VPS13B: variants seen among roughly 807,000 people sequenced by gnomAD.
VPS13B encodes vacuolar protein sorting 13 homolog B, also known as intermembrane lipid transfer protein VPS13B.
A neutral mutation model predicts 426.4 loss-of-function variants in VPS13B; 285 were observed. That is an observed-to-expected ratio of 0.67 (90% CI 0.61 to 0.74). VPS13B has a LOEUF of 0.74. Ranked by LOEUF, VPS13B falls within the 30% of genes least tolerant of loss-of-function variation. The pLI is 0.00. For synonymous variants in VPS13B, 1,676 were observed against 1,676.4 expected (o/e 1.00, Z 0.01); for missense variants, 4,537 against 4,782.6 (o/e 0.95, Z 1.51).
chr8:99,074,802 A>C (rs1845032843), intron 3 of VPS13B, among the ~76,000 whole-genome samples: 1 of 151,584 alleles, frequency 6.6e-6, no homozygotes, highest in Admixed American at 6.6e-5. Flanking sequence ...CACCTGGCTA[A>C]TTTTTGTATT....
At chr8:99,489,449 G>C (rs2133575736) in intron 25 of VPS13B, among the ~76,000 whole-genome samples, 2 of 152,032 alleles carry the variant, frequency 1.3e-5, no homozygotes, top group South Asian at 4.2e-4. Context: ...GAAAGTCATT[G>C]GTAGCTTGAT....
chr8:99,431,972 T>C (rs566606683), intron 22 of VPS13B, among the ~76,000 whole-genome samples: 1 of 152,188 alleles, frequency 6.6e-6, no homozygotes, highest in Admixed American at 6.5e-5. Flanking sequence ...AGTGTTCATA[T>C]AGTTCCATTC....
intron 17 of VPS13B, among the ~76,000 whole-genome samples, chr8:99,272,835 C>G (rs1237677896): frequency 6.6e-6 from 1 of 152,112 alleles, no homozygotes; most frequent in Non-Finnish European, 1.5e-5. Context: ...TATTTTAACA[C>G]AGGAATTATT....
At chr8:99,016,173 T>C (rs973541065) in intron 2 of VPS13B, among the ~76,000 whole-genome samples, 8 of 152,218 alleles carry the variant, frequency 5.3e-5, no homozygotes, top group African/African-American at 1.9e-4. Context: ...TTTTGGCTGG[T>C]GAAGAAAGCT....
chr8:99,438,101 G>T (rs1378683113), intron 22 of VPS13B, among the ~76,000 whole-genome samples: 1 of 131,164 alleles, frequency 7.6e-6, no homozygotes, highest in African/African-American at 2.9e-5. Context: ...TGAGTTTAAT[G>T]GCATTTTTAA....
chr8:99,568,987 G>T (rs888326530), intron 31 of VPS13B, among the ~76,000 whole-genome samples: 1 of 151,110 alleles, frequency 6.6e-6, no homozygotes, highest in Non-Finnish European at 1.5e-5. Context: ...AATTTTTTTT[G>T]TTGTTGTTGT....
intron 16 of VPS13B, among the ~76,000 whole-genome samples, chr8:99,191,553 T>C (rs553983431): frequency 1.3e-5 from 2 of 151,916 alleles, no homozygotes; most frequent in South Asian, 4.2e-4. Context: ...CCAGCTAATT[T>C]TTGTATTTTT....
At chr8:99,104,616 CT>C (rs1846945733) in intron 5 of VPS13B, among the ~76,000 whole-genome samples, 1 of 151,080 alleles carries the variant, frequency 6.6e-6, no homozygotes, top group Non-Finnish European at 1.5e-5. Flanking sequence ...TCCCCTGCCC[CT>C]TTCCCTCTTC....
At chr8:99,493,583 G>A (rs116109838) in intron 25 of VPS13B, among the ~76,000 whole-genome samples, 3,076 of 152,002 alleles carry the variant, frequency 0.02, 113 homozygotes, top group African/African-American at 0.07. Flanking sequence ...TCAGGAGTTC[G>A]AGATCATCCT....
chr8:99,682,585 G>A lies in VPS13B; in HGVS notation c.6047-16940G>A, dbSNP rs571651203. 3.3e-5 allele frequency among the ~76,000 whole-genome samples: 5 copies of A among 152,006 alleles called. No homozygotes were observed. The East Asian group carries it at 7.7e-4, about 24-fold the overall frequency. On this transcript the variant is annotated intron_variant, in intron 35 of 61. Transcript: ENST00000357162. ...TAAATTTTTAAAATATGCCTTTTTG[G>A]TATCATGTATAAGAGACTCAGTACA...
chr8:99,687,228 T>C (rs1831452568), intron 35 of VPS13B, among the ~76,000 whole-genome samples: 1 of 151,622 alleles, frequency 6.6e-6, no homozygotes, highest in Admixed American at 6.6e-5. Context: ...TGAGCTGGTA[T>C]CCAAGCTGCA....
At chr8:99,358,149 A>G (rs1278279385) in intron 19 of VPS13B, among the ~76,000 whole-genome samples, 1 of 152,078 alleles carries the variant, frequency 6.6e-6, no homozygotes, top group African/African-American at 2.4e-5. Flanking sequence ...TGTCTGTCTG[A>G]CTGATTAAAA....
chr8:99,849,876 T>C (rs182378310), intron 55 of VPS13B, among the ~76,000 whole-genome samples: 3 of 152,260 alleles, frequency 2.0e-5, no homozygotes, highest in Admixed American at 6.5e-5. Flanking sequence ...GAATATAATA[T>C]TGAATATATA....
At chr8:99,779,714 A>T (rs1392488727) in intron 42 of VPS13B, among the ~76,000 whole-genome samples, 1 of 152,224 alleles carries the variant, frequency 6.6e-6, no homozygotes, top group African/African-American at 2.4e-5. Context: ...CTAGCACAAA[A>T]GTAACTTCAC....
At chr8:99,774,119 A>G (rs1258424648) in intron 40 of VPS13B, among the ~76,000 whole-genome samples, 1 of 152,208 alleles carries the variant, frequency 6.6e-6, no homozygotes, top group Non-Finnish European at 1.5e-5. Flanking sequence ...AATATCAAAA[A>G]CTATAAATGT....
At chr8:99,292,520 T>C (rs1819789019) in intron 19 of VPS13B, among the ~76,000 whole-genome samples, 1 of 152,124 alleles carries the variant, frequency 6.6e-6, no homozygotes, top group South Asian at 2.1e-4. Context: ...CTTTATCTAT[T>C]ACTTTTAATG....
intron 35 of VPS13B, among the ~76,000 whole-genome samples, chr8:99,666,855 G>A (rs1446572674): frequency 6.6e-6 from 1 of 152,128 alleles, no homozygotes; most frequent in Non-Finnish European, 1.5e-5. Context: ...ATTAGGAAAA[G>A]AGGAAGTCAA....
intron 34 of VPS13B, among the ~76,000 whole-genome samples, chr8:99,652,241 A>G (rs1829846404): frequency 6.6e-6 from 1 of 152,096 alleles, no homozygotes; most frequent in African/African-American, 2.4e-5. Flanking sequence ...TCTACTCCTT[A>G]CAGCTGTGTG....
At chr8:99,598,537 T>A (rs1827128374) in intron 33 of VPS13B, among the ~76,000 whole-genome samples, 1 of 152,062 alleles carries the variant, frequency 6.6e-6, no homozygotes, top group African/African-American at 2.4e-5. Flanking sequence ...GACTAACACA[T>A]GCTCATTTTC....
Sources: gnomAD v4.1 joint callset for allele counts (sites outside exome capture counted in the v4.1 genomes callset) on GRCh38, gnomAD v4.1.1 for gene constraint, MANE v1.5 for transcripts, NCBI Gene and HGNC (gene_info 2026-07-23, HGNC 2026-07-21) for gene names.